EML4: variants seen among roughly 807,000 people sequenced by gnomAD.
The protein encoded by EML4 is echinoderm microtubule-associated protein-like 4.
In EML4, 72 loss-of-function variants were observed where a neutral mutation model predicts 129.0. That is an observed-to-expected ratio of 0.56 (90% CI 0.46 to 0.68). EML4 has a LOEUF of 0.68. Ranked by LOEUF, EML4 falls within the 30% of genes least tolerant of loss-of-function variation. The probability of loss-of-function intolerance (pLI) is 0.00; values close to 1 mark genes in which losing one functional copy is unlikely to be tolerated. For synonymous variants in EML4, 532 were observed against 405.0 expected (o/e 1.31, Z -3.77); for missense variants, 1,363 against 1,190.6 (o/e 1.14, Z -2.13).
intron 19 of EML4, among the ~76,000 whole-genome samples, chr2:42,320,638 A>G (rs1175413780): frequency 6.6e-6 from 1 of 152,210 alleles, no homozygotes; most frequent in East Asian, 1.9e-4. Context: ...AAATTCAAAA[A>G]TAGTTTTACA....
chr2:42,170,963 C>G, intron 1 of EML4, among the ~76,000 whole-genome samples: 1 of 152,154 alleles, frequency 6.6e-6, no homozygotes, highest in East Asian at 1.9e-4. Flanking sequence ...TAATTTTGGC[C>G]TTCCCTTTTT....
chr2:42,184,936 C>A (rs1292153775), intron 1 of EML4, among the ~76,000 whole-genome samples: 1 of 152,176 alleles, frequency 6.6e-6, no homozygotes, highest in Non-Finnish European at 1.5e-5. Flanking sequence ...TATCCAGTGC[C>A]TAACCGCTTT....
At chr2:42,273,926 T>G (rs371324842) in intron 6 of EML4, among the ~76,000 whole-genome samples, 1 of 152,186 alleles carries the variant, frequency 6.6e-6, no homozygotes, top group Non-Finnish European at 1.5e-5. Context: ...AAATACTGAA[T>G]TATAACCAGA....
chr2:42,289,409 A>G (rs1293209517), intron 11 of EML4: 1 of 152,326 alleles, frequency 6.6e-6, no homozygotes, highest in Admixed American at 6.5e-5. Flanking sequence ...TGCTGCTCCC[A>G]TGGCCTCATT....
At chr2:42,204,476 T>C (rs1474253772) in intron 1 of EML4, among the ~76,000 whole-genome samples, 2 of 152,202 alleles carry the variant, frequency 1.3e-5, no homozygotes, top group African/African-American at 4.8e-5. Context: ...CTGCTGTTTT[T>C]GTAAAATAGC....
intron 13 of EML4, among the ~76,000 whole-genome samples, chr2:42,296,207 A>G (rs1321388842): frequency 1.3e-5 from 2 of 152,146 alleles, no homozygotes; most frequent in Non-Finnish European, 2.9e-5. Context: ...TCAGAGTAGG[A>G]GGTTCTAAGA....
intron 2 of EML4, among the ~76,000 whole-genome samples, chr2:42,250,688 T>C (rs1365721860): frequency 1.3e-5 from 2 of 152,290 alleles, no homozygotes; most frequent in East Asian, 3.9e-4. Context: ...CACCAACTTT[T>C]TTGGCACTAG....
rs1558619202 is a variant in EML4, at chr2:42,329,998, GA to G, written c.2740del (p.Ser914ValfsTer3). Reference protein sequence around the residue: ...SQPLNETAEEESRISSSPTLL... With the variant: ...SQPLNETAEEXSRISSSPTLL... ...GCCCTTAAATGAGACAGCTGAAGAGGAAAGTAGAATAAGCAGTTCTCCCACA... is the reference window on the plus strand; with the variant it reads ...GCCCTTAAATGAGACAGCTGAAGAGGAAGTAGAATAAGCAGTTCTCCCACA... On this transcript the variant is annotated frameshift_variant, in exon 23 of 23. Transcript: ENST00000318522. LOFTEE classifies it high-confidence loss of function. 1 of 1,613,874 alleles carries G rather than the reference GA, an allele frequency of 6.2e-7. No individual in the cohort carries two copies. The highest frequency in any genetic ancestry group is 1.3e-5 in the African/African-American group (1 of 74,910).
chr2:42,303,640 G>A (rs1668425751), intron 16 of EML4, among the ~76,000 whole-genome samples, 194 bp downstream of exon 16: 1 of 152,026 alleles, frequency 6.6e-6, no homozygotes, highest in African/African-American at 2.4e-5. Flanking sequence ...AAAGAAGTAA[G>A]TTAGGCCGGG....
chr2:42,231,100 C>A (rs1305422048), intron 1 of EML4, among the ~76,000 whole-genome samples: 1 of 152,248 alleles, frequency 6.6e-6, no homozygotes. Flanking sequence ...CCCAGCCTCA[C>A]TTCAGTGCAT....
intron 1 of EML4, among the ~76,000 whole-genome samples, chr2:42,217,143 A>G (rs1230525354): frequency 2.0e-5 from 3 of 152,250 alleles, no homozygotes; most frequent in African/African-American, 4.8e-5. Flanking sequence ...AGATTTAAGC[A>G]TATTAGAAAC....
chr2:42,219,372 T>C (rs1256010011), intron 1 of EML4, among the ~76,000 whole-genome samples: 1 of 152,136 alleles, frequency 6.6e-6, no homozygotes, highest in Non-Finnish European at 1.5e-5. Context: ...GGGACTTGAG[T>C]ATGCCCGGAC....
At chr2:42,311,383 A>G (rs1020865145) in intron 17 of EML4, among the ~76,000 whole-genome samples, 8 of 152,114 alleles carry the variant, frequency 5.3e-5, no homozygotes, top group Admixed American at 1.3e-4. Context: ...CAACATGGCA[A>G]AACCCCTCCT....
chr2:42,326,272 T>C lies in EML4; in HGVS notation c.2341+20T>C. On this transcript the variant is annotated intron_variant, in intron 21 of 22. Coordinates refer to ENST00000318522, the MANE Select transcript of EML4 (RefSeq NM_019063.5). The stretch of plus-strand genomic sequence containing the variant: ...TATTTGGTAAGGAAATGACACCTGA[T>C]GTAAAGAAGTGGTTTGTGGGTTTTT... 1 of 1,543,316 alleles carries C rather than the reference T, an allele frequency of 6.5e-7. No individual in the cohort carries two copies. The highest frequency in any genetic ancestry group is 8.9e-7 in the Non-Finnish European group (1 of 1,124,118).
At chr2:42,184,436 C>T (rs1671127369) in intron 1 of EML4, among the ~76,000 whole-genome samples, 3 of 140,788 alleles carry the variant, frequency 2.1e-5, no homozygotes, top group Admixed American at 7.8e-5. Context: ...TTCATTGTCA[C>T]TCCCTGGTTT....
rs182534731 is a variant in EML4, at chr2:42,218,715, G to A, written c.26-26790G>A. Among the ~76,000 whole-genome samples, 910 of 152,258 alleles carry A rather than the reference G, an allele frequency of 6.0e-3. 2 individuals are homozygous for A. The highest frequency in any genetic ancestry group is 9.5e-3 in the Non-Finnish European group (646 of 68,014). On this transcript the variant is annotated intron_variant, in intron 1 of 22. Coordinates refer to ENST00000318522, the MANE Select transcript of EML4 (RefSeq NM_019063.5). ...CAGCACAATACAATTCCATACTAAA[G>A]TACAAGAGTCCTCCTTTAAGTACTG...
At chr2:42,213,267 C>A (rs1024201659) in intron 1 of EML4, among the ~76,000 whole-genome samples, 29 of 152,134 alleles carry the variant, frequency 1.9e-4, no homozygotes, top group Non-Finnish European at 7.4e-5. Context: ...ACTCCCCCTC[C>A]CACATCTAAG....
intron 1 of EML4, among the ~76,000 whole-genome samples, chr2:42,213,342 ATGGCTTCTTGTGTC>A (rs1672988847): frequency 6.6e-6 from 1 of 152,146 alleles, no homozygotes; most frequent in Non-Finnish European, 1.5e-5. Flanking sequence ...ATCACACAGT[ATGGCTTCTTGTGTC>A]TGGCTTCTTT....
At position 42,280,921 on chromosome 2, in the gene EML4, T is replaced by A; in HGVS notation, c.739T>A (p.Tyr247Asn). ...TMFIPSDVDN[Y>N]DDIRTELPPE... ...GTTCATTCCTTCCGATGTTGACAAC[T>A]ATGATGACATCAGAACGGAACTGCC... Residue 247 changes from tyrosine (Y) to asparagine (N), a missense_variant, in exon 7 of 23, where the codon TAT (tyrosine) becomes AAT (asparagine). Physicochemically the swap from Tyr to Asn is moderately radical, Grantham distance 143. Coordinates refer to ENST00000318522, the MANE Select transcript of EML4 (RefSeq NM_019063.5). The A allele has an allele frequency of 6.2e-7, 1 of 1,612,174 alleles. No individual in the cohort carries two copies. Among genetic ancestry groups the A allele is most frequent in the Non-Finnish European group, 8.5e-7 (1 of 1,178,494 alleles).
Sources: allele counts gnomAD v4.1 joint callset (sites outside exome capture counted in the v4.1 genomes callset), GRCh38; gene constraint gnomAD v4.1.1; transcripts MANE v1.5; gene names NCBI Gene and HGNC (gene_info 2026-07-23, HGNC 2026-07-21).